The following EYA2 variants were observed in gnomAD, a reference collection of about 807,000 sequenced individuals.
EYA2 encodes protein phosphatase EYA2.
A neutral mutation model predicts 69.2 loss-of-function variants in EYA2; 31 were observed. The ratio of observed to expected loss-of-function variants is 0.45; its 90% CI spans 0.34 to 0.60. The LOEUF (loss-of-function observed/expected upper bound fraction) is 0.60, where lower values mean the gene tolerates loss of function less well. Among genes scored for constraint, EYA2 ranks in the 20% least tolerant of loss-of-function variants. The pLI is 0.02. For synonymous variants in EYA2, 257 were observed against 279.4 expected (o/e 0.92, Z 0.80); for missense variants, 622 against 701.2 (o/e 0.89, Z 1.28).
intron 9 of EYA2, among the ~76,000 whole-genome samples, chr20:47,136,025 GAAAA>G (rs1461021923): frequency 6.6e-6 from 1 of 151,436 alleles, no homozygotes; most frequent in Non-Finnish European, 1.5e-5. Context: ...TCTCAAAAAA[GAAAA>G]GAAAGAAACA....
At position 47,078,640 on chromosome 20, in the gene EYA2, T is replaced by C. The variant is rs141694175; in HGVS notation, c.661+4305T>C. 2.9e-3 allele frequency among the ~76,000 whole-genome samples: 442 copies of C among 152,356 alleles called. 3 individuals carry two copies. The highest frequency in any genetic ancestry group is 6.5e-3 in the Admixed American group (99 of 15,306). ...AGATGATTACAGGGCAATTTGCTGA[T>C]ATAGAGGGCAGAATCTGAACATCTC... On this transcript the variant is annotated intron_variant, in intron 7 of 15. Coordinates refer to ENST00000327619, the MANE Select transcript of EYA2 (RefSeq NM_005244.5).
intron 5 of EYA2, among the ~76,000 whole-genome samples, chr20:47,048,221 G>T (rs1197344157): frequency 6.6e-6 from 1 of 152,166 alleles, no homozygotes. Context: ...AAGGATGATG[G>T]CATTTTTCCC....
At chr20:47,016,998 A>G (rs1181368663) in intron 5 of EYA2, among the ~76,000 whole-genome samples, 2 of 152,210 alleles carry the variant, frequency 1.3e-5, no homozygotes, top group African/African-American at 2.4e-5. Context: ...TATTCCAGGC[A>G]GGAGGATCAA....
At chr20:47,089,439 C>T in intron 8 of EYA2, 58 bp downstream of exon 8, 1 of 1,549,454 alleles carries the variant, frequency 6.5e-7, no homozygotes, top group South Asian at 1.2e-5. Flanking sequence ...GAGGCCCAAA[C>T]AAGAGTGGGG....
intron 15 of EYA2, among the ~76,000 whole-genome samples, chr20:47,187,221 T>C (rs1213853216): frequency 6.6e-6 from 1 of 151,372 alleles, no homozygotes. Context: ...ATACAAAAAT[T>C]AGCCAGATGT....
intron 4 of EYA2, among the ~76,000 whole-genome samples, chr20:47,009,748 C>G (rs1247859719): frequency 6.6e-6 from 1 of 152,228 alleles, no homozygotes; most frequent in Non-Finnish European, 1.5e-5. Flanking sequence ...ATAGACAAAG[C>G]ATAAACGAAT....
At chr20:47,182,855 T>G (rs1163954711) in intron 14 of EYA2, among the ~76,000 whole-genome samples, 1 of 152,006 alleles carries the variant, frequency 6.6e-6, no homozygotes, top group African/African-American at 2.4e-5. Flanking sequence ...GAGAATGGCT[T>G]GAACCCAGAA....
At chr20:47,115,975 C>A (rs1482543906) in intron 9 of EYA2, among the ~76,000 whole-genome samples, 1 of 152,304 alleles carries the variant, frequency 6.6e-6, no homozygotes, top group African/African-American at 2.4e-5. Flanking sequence ...GCCCAGAACA[C>A]TCTTCCTACC....
At chr20:46,996,914 A>G (rs1311962352) in intron 2 of EYA2, among the ~76,000 whole-genome samples, 1 of 152,012 alleles carries the variant, frequency 6.6e-6, no homozygotes, top group Non-Finnish European at 1.5e-5. Flanking sequence ...AAAAGAACAA[A>G]TTAGTACCAA....
Position 47,018,994 on chromosome 20 carries a change from C to T in EYA2, c.415+2697C>T, listed in dbSNP as rs116701354. On this transcript the variant is annotated intron_variant, in intron 5 of 15. Transcript: ENST00000327619. ...CAGTAGCCCCGTGACATGAGCACTGCCACTGCCCTCATCTTACAGGTGGAG... is the reference window on the plus strand; with the variant it reads ...CAGTAGCCCCGTGACATGAGCACTGTCACTGCCCTCATCTTACAGGTGGAG... Among the ~76,000 whole-genome samples the T allele has an allele frequency of 5.1e-3, 772 of 152,304 alleles. 3 individuals carry two copies. The highest frequency in any genetic ancestry group is 0.017 in the African/African-American group (727 of 41,556).
intron 5 of EYA2, among the ~76,000 whole-genome samples, chr20:47,057,844 G>T (rs2030707158): frequency 6.6e-6 from 1 of 152,228 alleles, no homozygotes; most frequent in Non-Finnish European, 1.5e-5. Flanking sequence ...TCCCACAGGT[G>T]TGTGGAGGCA....
At chr20:47,176,346 C>T (rs950233830) in intron 12 of EYA2, among the ~76,000 whole-genome samples, 3 of 152,090 alleles carry the variant, frequency 2.0e-5, no homozygotes, top group African/African-American at 7.3e-5. Flanking sequence ...TCCCAAAGTA[C>T]TGGGATTACA....
intron 8 of EYA2, among the ~76,000 whole-genome samples, chr20:47,093,493 T>A (rs2146512514): frequency 6.6e-6 from 1 of 152,386 alleles, no homozygotes; most frequent in African/African-American, 2.4e-5. Context: ...CTGCGGCTCC[T>A]GCTGCCCTGA....
chr20:47,072,293 T>A (rs2031344212), intron 6 of EYA2, 41 bp downstream of exon 6: 1 of 1,570,284 alleles, frequency 6.4e-7, no homozygotes, highest in African/African-American at 1.3e-5. Flanking sequence ...CAGTTCTTTC[T>A]GGAAATATTC....
At chr20:47,050,237 A>G (rs1001157742) in intron 5 of EYA2, among the ~76,000 whole-genome samples, 3 of 152,166 alleles carry the variant, frequency 2.0e-5, no homozygotes, top group African/African-American at 7.2e-5. Context: ...AACTTTGATC[A>G]TCAGAGTCTG....
Position 46,924,669 on chromosome 20 carries a change from C to CAAAAAAA in EYA2, c.-11+29700_-11+29706dup, listed in dbSNP as rs10568771. On this transcript the variant is annotated intron_variant, in intron 1 of 15. Coordinates refer to ENST00000327619, the MANE Select transcript of EYA2 (RefSeq NM_005244.5). Reference sequence around the variant, plus strand: ...TGGCCAATAGAGCGAGACTCCATCTCAAAAAAAAAAAAAAAAAAAAAAAAG... The same window carrying CAAAAAAA: ...TGGCCAATAGAGCGAGACTCCATCTCAAAAAAAAAAAAAAAAAAAAAAAAAAAAAAAG... 2.5e-3 allele frequency among the ~76,000 whole-genome samples: 222 copies of CAAAAAAA among 88,332 alleles called. 16 individuals are homozygous for CAAAAAAA. The highest frequency in any genetic ancestry group is 0.011 in the African/African-American group (184 of 17,234). 57.9% of individuals were successfully genotyped at this position (88,332 alleles called of 152,430 possible). A position where few individuals can be genotyped will look rare whatever the true frequency, so the allele number is the denominator to read the frequency against.
At chr20:47,009,211 A>G (rs796354886) in intron 4 of EYA2, among the ~76,000 whole-genome samples, 19 of 152,276 alleles carry the variant, frequency 1.2e-4, no homozygotes, top group African/African-American at 4.3e-4. Context: ...ACATACACAC[A>G]CACAGAATGT....
intron 9 of EYA2, chr20:47,117,642 A>G: frequency 2.0e-6 from 2 of 985,378 alleles, no homozygotes; most frequent in South Asian, 9.4e-5. Flanking sequence ...ACTGAGAAGA[A>G]ATAAAAAGAA....
At chr20:47,012,900 G>A (rs1052123346) in intron 4 of EYA2, among the ~76,000 whole-genome samples, 9 of 152,210 alleles carry the variant, frequency 5.9e-5, no homozygotes, top group African/African-American at 2.2e-4. Flanking sequence ...TTACTTCTCA[G>A]TGTCTGACTT....
Sources: gnomAD v4.1 joint callset for allele counts (sites outside exome capture counted in the v4.1 genomes callset) on GRCh38, gnomAD v4.1.1 for gene constraint, MANE v1.5 for transcripts, NCBI Gene and HGNC (gene_info 2026-07-23, HGNC 2026-07-21) for gene names.